Variants in ZBTB7A observed in about 807,000 individuals in gnomAD.
The protein encoded by ZBTB7A is zinc finger and BTB domain-containing protein 7A.
In ZBTB7A, 7 loss-of-function variants were observed where a neutral mutation model predicts 26.7. The ratio of observed to expected loss-of-function variants is 0.26; its 90% CI spans 0.15 to 0.49. The LOEUF is 0.49. Among genes scored for constraint, ZBTB7A ranks in the 20% least tolerant of loss-of-function variants. The probability of loss-of-function intolerance (pLI) is 0.98; values close to 1 mark genes in which losing one functional copy is unlikely to be tolerated. For missense variants in ZBTB7A, 617 were observed against 919.5 expected (o/e 0.67, Z 4.25); for synonymous variants, 452 against 441.0 (o/e 1.02, Z -0.31).
chr19:4,065,165 G>T (rs1188322693), intron 1 of ZBTB7A, among the ~76,000 whole-genome samples: 1 of 151,578 alleles, frequency 6.6e-6, no homozygotes, highest in Non-Finnish European at 1.5e-5. Flanking sequence ...AGGGAAAGGA[G>T]GGGGGGTCCG....
Position 4,044,419 on chromosome 19 carries a change from G to A in ZBTB7A, c.*3333C>T, listed in dbSNP as rs2040387061. 1 of 149,990 alleles carries A rather than the reference G, an allele frequency of 6.7e-6. No individual in the cohort carries two copies. Among genetic ancestry groups the A allele is most frequent in the Non-Finnish European group, 1.5e-5 (1 of 67,560 alleles). The allele number at this position is 149,990 out of a possible 1,614,324, so 9.3% of individuals were successfully genotyped here. A position where few individuals can be genotyped will look rare whatever the true frequency, so the allele number is the denominator to read the frequency against. ...TTTCCTTAATCTCAAAAGGCGGGGG[G>A]CGTCGGGGGGCAGAGGCAGGTAGCA... On this transcript the variant is annotated 3_prime_UTR_variant, in exon 3 of 3. Transcript: ENST00000322357.
Position 4,052,454 on chromosome 19 carries a change from C to A in ZBTB7A, c.1262+1517G>T, listed in dbSNP as rs576648215. 1.2e-3 allele frequency among the ~76,000 whole-genome samples: 177 copies of A among 152,178 alleles called. 1 individual carries two copies. The highest frequency in any genetic ancestry group is 4.1e-3 in the African/African-American group (171 of 41,514). ...TTGCCCCCTGCCTGGCACTCCTGGG[C>A]GCCGGAGTCCAGGCCGCACCTTCCT... On this transcript the variant is annotated intron_variant, in intron 2 of 2. Coordinates refer to ENST00000322357, the MANE Select transcript of ZBTB7A (RefSeq NM_015898.4). The surrounding 1 kb of genome is among the most constrained non-coding windows in gnomAD (Gnocchi z 4.9).
rs1455509278 is a variant in ZBTB7A, at chr19:4,046,019, C to T, written c.*1733G>A. ...TTGGTGGCCATGCGGGAGGGACAGG[C>T]GTGTTGGGGGATTGGGGGGTGCCGG... is the stretch of plus-strand genomic sequence containing the variant. On this transcript the variant is annotated 3_prime_UTR_variant, in exon 3 of 3. Transcript: ENST00000322357. The T allele has an allele frequency of 7.6e-6, 3 of 396,420 alleles. No homozygotes were observed. 24.6% of individuals were successfully genotyped at this position (396,420 alleles called of 1,614,324 possible).
chr19:4,047,796 G>A lies in ZBTB7A; in HGVS notation c.1711C>T (p.Pro571Ser), dbSNP rs773321856. 2.5e-6 allele frequency: 4 copies of A among 1,600,706 alleles called. No individual in the cohort carries two copies. Among genetic ancestry groups the A allele is most frequent in the Non-Finnish European group, 2.6e-6 (3 of 1,174,396 alleles). ...AGGGGDSGGGPGAATDGNFTA... is the reference protein window; with the variant it reads ...AGGGGDSGGGSGAATDGNFTA... ...AAGTTACCGTCGGTGGCGGCCCCGG[G>A]GCCACCTCCGCTGTCACCTCCTCCA... Residue 571 changes from proline to serine, a missense_variant, in exon 3 of 3, where the codon CCC becomes TCC. Pro to Ser is a moderately conservative substitution (Grantham distance 74). Coordinates refer to ENST00000322357, the MANE Select transcript of ZBTB7A (RefSeq NM_015898.4).
chr19:4,054,163 C>G lies in ZBTB7A; in HGVS notation c.1070G>C (p.Ser357Thr). Residue 357 changes from serine to threonine, a missense_variant, in exon 2 of 3, where the codon AGC becomes ACC. Physicochemically the swap from Ser to Thr is moderately conservative, Grantham distance 58. Around this residue, in one of 5 missense-constraint regions of ZBTB7A, gnomAD observed 331 missense variants for 391.3 expected, o/e 0.85. Transcript: ENST00000322357. ...GTAGACGTCGCCGTCGTGGGCGCCG[C>G]TGAAGTACTTCAGGTAGTAGTCCAT... is the stretch of plus-strand genomic sequence containing the variant. ...GVMDYYLKYF[S>T]GAHDGDVYPA... 6.2e-7 allele frequency: 1 copy of G among 1,601,780 alleles called. No individual in the cohort carries two copies. Among genetic ancestry groups the G allele is most frequent in the Non-Finnish European group, 8.5e-7 (1 of 1,179,548 alleles).
intron 1 of ZBTB7A, among the ~76,000 whole-genome samples, chr19:4,063,278 G>A (rs537060969): frequency 2.0e-5 from 3 of 152,302 alleles, no homozygotes; most frequent in South Asian, 2.1e-4. Context: ...CAGGGGTCAC[G>A]GGGCTCATCC....
Position 4,054,736 on chromosome 19 carries a change from C to G in ZBTB7A, c.497G>C (p.Ser166Thr). 1 of 1,570,170 alleles carries G rather than the reference C, an allele frequency of 6.4e-7. No homozygotes were observed. The highest frequency in any genetic ancestry group is 2.4e-5 in the East Asian group (1 of 42,298). Residue 166 changes from serine to threonine, a missense_variant, in exon 2 of 3, where the codon AGC (serine) becomes ACC (threonine). Ser to Thr is a moderately conservative substitution (Grantham distance 58, BLOSUM62 1). This residue lies in a region of ZBTB7A where 331 missense variants were observed against 391.3 expected (regional missense o/e 0.85). Transcript: ENST00000322357. ...RAKEYLEFFQ[S>T]NPMNSLPPAA... Reference sequence around the variant, plus strand: ...GGGGGGCAGGCTGTTCATGGGGTTGCTCTGGAAGAACTCGAGGTACTCCTT... The same window carrying G: ...GGGGGGCAGGCTGTTCATGGGGTTGGTCTGGAAGAACTCGAGGTACTCCTT...
chr19:4,055,088 G>C lies in ZBTB7A; in HGVS notation c.145C>G (p.Arg49Gly). ...LVEGREFPTH[R>G]SVLAACSQYF... ...TGGCTGCAGGCGGCCAGCACCGAGC[G>C]GTGCGTGGGGAACTCGCGGCCCTCC... The change falls in exon 2 of 3, where the codon CGC (arginine) becomes GGC (glycine). Residue 49 changes from arginine (R) to glycine (G), a missense_variant. Transcript: ENST00000322357. 6.2e-7 allele frequency: 1 copy of C among 1,609,936 alleles called. No individual in the cohort carries two copies. The highest frequency in any genetic ancestry group is 8.5e-7 in the Non-Finnish European group (1 of 1,179,680).
At position 4,044,293 on chromosome 19, in the gene ZBTB7A, G is replaced by A. The variant is rs1168357590; in HGVS notation, c.*3459C>T. ...GCCCGCTCGAGCCTGCCTGGCTGCA[G>A]GTCCACACCCATGCCAGGCCGGGCC... is the stretch of plus-strand genomic sequence containing the variant. On this transcript the variant is annotated 3_prime_UTR_variant, in exon 3 of 3. Coordinates refer to ENST00000322357, the MANE Select transcript of ZBTB7A (RefSeq NM_015898.4). 6.6e-6 allele frequency: 1 copy of A among 152,156 alleles called. No individual in the cohort carries two copies. Among genetic ancestry groups the A allele is most frequent in the Non-Finnish European group, 1.5e-5 (1 of 68,018 alleles). 9.4% of individuals were successfully genotyped at this position (152,156 alleles called of 1,614,324 possible).
intron 1 of ZBTB7A, among the ~76,000 whole-genome samples, chr19:4,064,553 T>A (rs1283412009): frequency 6.6e-6 from 1 of 152,218 alleles, no homozygotes; most frequent in African/African-American, 2.4e-5. Flanking sequence ...CCAGACCAGT[T>A]TGCCAATAGG....
In ZBTB7A at chr19:4,047,699, TTCTC is replaced by T. The variant is rs1199332197; in HGVS notation, c.*49_*52del. ...TTGGGGGGGTGGTGGGTGATTTTTT[TTCTC>T]TCTCTCTGTCTCTCTCTTTCTCGGG... is the stretch of plus-strand genomic sequence containing the variant. On this transcript the variant is annotated 3_prime_UTR_variant, in exon 3 of 3. Transcript: ENST00000322357. The T allele has an allele frequency of 2.6e-6, 4 of 1,540,328 alleles. No homozygotes were observed. The highest frequency in any genetic ancestry group is 1.4e-5 in the African/African-American group (1 of 70,496).
rs768701442 is a variant in ZBTB7A, at chr19:4,054,338, C to T, written c.895G>A (p.Gly299Arg). 100 of 1,507,104 alleles carry T rather than the reference C, an allele frequency of 6.6e-5. No homozygotes were observed. The highest frequency in any genetic ancestry group is 2.6e-4 in the Admixed American group (12 of 45,442). 93.4% of individuals were successfully genotyped at this position (1,507,104 alleles called of 1,614,324 possible). A position where few individuals can be genotyped will look rare whatever the true frequency, so the allele number is the denominator to read the frequency against. Residue 299 changes from glycine to arginine, a missense_variant, in exon 2 of 3, where the codon GGA (glycine) becomes AGA (arginine). Physicochemically the swap from Gly to Arg is moderately radical, Grantham distance 125. Coordinates refer to ENST00000322357, the MANE Select transcript of ZBTB7A (RefSeq NM_015898.4). ...TCCCCGTCCTCGCCCTCGGCCGCTC[C>T]CGACAGGAAGCCCGGAGAGTCGCCC... ...EPGDSPGFLS[G>R]AAEGEDGDGP...
chr19:4,056,655 G>A (rs1467532082), intron 1 of ZBTB7A, among the ~76,000 whole-genome samples: 3 of 151,948 alleles, frequency 2.0e-5, no homozygotes, highest in African/African-American at 7.3e-5. Flanking sequence ...AGATCACCAG[G>A]TCAGGAGATC....
At chr19:4,064,050 A>T (rs2040665660) in intron 1 of ZBTB7A, among the ~76,000 whole-genome samples, 1 of 152,204 alleles carries the variant, frequency 6.6e-6, no homozygotes, top group African/African-American at 2.4e-5. Flanking sequence ...TGATCGCCCC[A>T]GGAACCTTTC....
chr19:4,061,477 A>G (rs918396865), intron 1 of ZBTB7A: 1 of 152,012 alleles, frequency 6.6e-6, no homozygotes, highest in African/African-American at 2.4e-5. Flanking sequence ...GCCTGGGTTT[A>G]ATGGGACAGG....
At position 4,054,909 on chromosome 19, in the gene ZBTB7A, G is replaced by C. The variant is rs1423972076; in HGVS notation, c.324C>G (p.Leu108=). 3 of 1,610,034 alleles carry C rather than the reference G, an allele frequency of 1.9e-6. No homozygotes were observed. The highest frequency in any genetic ancestry group is 2.5e-6 in the Non-Finnish European group (3 of 1,178,942). The part of the protein sequence containing the change: ...TVSTANVGDI[L]SAARLLEIPA... ...GGATCTCCAGCAGGCGGGCGGCGCT[G>C]AGGATGTCACCCACGTTGGCTGTGC... The change falls in exon 2 of 3, where the codon CTC becomes CTG. Residue 108 remains leucine, a synonymous_variant. Transcript: ENST00000322357.
intron 2 of ZBTB7A, among the ~76,000 whole-genome samples, chr19:4,053,160 T>C (rs972976062): frequency 2.0e-5 from 3 of 152,226 alleles, no homozygotes; most frequent in Non-Finnish European, 2.9e-5. Context: ...GAAGAACGAC[T>C]GTGCCTTCCC....
chr19:4,047,786 G>C lies in ZBTB7A; in HGVS notation c.1721C>G (p.Ala574Gly), dbSNP rs1180415171. Reference protein sequence around the residue: ...GGDSGGGPGAATDGNFTAGLA With the variant: ...GGDSGGGPGAGTDGNFTAGLA ...TCCGGCTGTGAAGTTACCGTCGGTG[G>C]CGGCCCCGGGGCCACCTCCGCTGTC... is the stretch of plus-strand genomic sequence containing the variant. Residue 574 changes from alanine to glycine, a missense_variant, in exon 3 of 3, where the codon GCC becomes GGC. By Grantham distance (60) the Ala-to-Gly change is moderately conservative. Around this residue, in one of 5 missense-constraint regions of ZBTB7A, gnomAD observed 136 missense variants for 126.6 expected, o/e 1.07. Coordinates refer to ENST00000322357, the MANE Select transcript of ZBTB7A (RefSeq NM_015898.4). 6.3e-7 allele frequency: 1 copy of C among 1,599,554 alleles called. No individual in the cohort carries two copies. Among genetic ancestry groups the C allele is most frequent in the Admixed American group, 1.7e-5 (1 of 58,272 alleles).
chr19:4,059,136 G>A (rs1009136554), intron 1 of ZBTB7A, among the ~76,000 whole-genome samples: 1 of 152,174 alleles, frequency 6.6e-6, no homozygotes, highest in Non-Finnish European at 1.5e-5. Context: ...CGGATCAGAC[G>A]GGCCCGGGCC....
Sources: gnomAD v4.1 joint callset for allele counts (sites outside exome capture counted in the v4.1 genomes callset) on GRCh38, gnomAD v4.1.1 for gene constraint, gnomAD v4.1.1 regional missense constraint, Gnocchi (gnomAD v3.1) non-coding constraint, MANE v1.5 for transcripts, NCBI Gene and HGNC (gene_info 2026-07-23, HGNC 2026-07-21) for gene names.